Variants in NDST4 observed in about 807,000 individuals in gnomAD.
The protein encoded by NDST4 is N-deacetylase and N-sulfotransferase 4.
A neutral mutation model predicts 100.8 loss-of-function variants in NDST4; 63 were observed. The ratio of observed to expected loss-of-function variants is 0.62; its 90% CI spans 0.51 to 0.77. The LOEUF is 0.77. NDST4 is among the 30% of genes least tolerant of loss of function. The pLI is 0.00. For synonymous variants in NDST4, 377 were observed against 361.8 expected (o/e 1.04, Z -0.48); for missense variants, 943 against 1,018.4 (o/e 0.93, Z 1.01).
At chr4:114,959,887 C>T (rs1450780688) in intron 4 of NDST4, among the ~76,000 whole-genome samples, 3 of 151,986 alleles carry the variant, frequency 2.0e-5, no homozygotes, top group Non-Finnish European at 4.4e-5. Context: ...AAATTATTTC[C>T]TAAAAACTTT....
intron 6 of NDST4, among the ~76,000 whole-genome samples, chr4:114,895,299 G>C (rs1724690745): frequency 6.6e-6 from 1 of 151,824 alleles, no homozygotes; most frequent in Non-Finnish European, 1.5e-5. Context: ...ATAATAAAGG[G>C]GATATCACCA....
At chr4:114,931,126 T>C (rs1211977698) in intron 6 of NDST4, among the ~76,000 whole-genome samples, 1 of 151,996 alleles carries the variant, frequency 6.6e-6, no homozygotes, top group Non-Finnish European at 1.5e-5. Context: ...GATAAAATTA[T>C]GATTTTTAAT....
At chr4:115,079,073 C>A (rs549631978) in intron 1 of NDST4, among the ~76,000 whole-genome samples, 141 of 152,040 alleles carry the variant, frequency 9.3e-4, no homozygotes, top group African/African-American at 3.3e-3. Flanking sequence ...TACATTACTA[C>A]AGGCACGGTG....
At chr4:115,007,379 T>C (rs1727442494) in intron 2 of NDST4, among the ~76,000 whole-genome samples, 1 of 152,164 alleles carries the variant, frequency 6.6e-6, no homozygotes, top group Admixed American at 6.6e-5. Flanking sequence ...ACCATTTCAA[T>C]GGGGTGATAG....
chr4:115,013,664 C>G (rs1367362249), intron 2 of NDST4, among the ~76,000 whole-genome samples: 1 of 151,668 alleles, frequency 6.6e-6, no homozygotes, highest in Non-Finnish European at 1.5e-5. Context: ...CACAGTAGGC[C>G]CAGCAGTTCC....
At chr4:114,887,230 G>A (rs1379023051) in intron 6 of NDST4, among the ~76,000 whole-genome samples, 1 of 152,152 alleles carries the variant, frequency 6.6e-6, no homozygotes, top group Non-Finnish European at 1.5e-5. Flanking sequence ...GGTCTAATGT[G>A]AGACATTTTG....
At chr4:115,089,820 C>A (rs1158069193) in intron 1 of NDST4, among the ~76,000 whole-genome samples, 1 of 151,744 alleles carries the variant, frequency 6.6e-6, no homozygotes, top group Non-Finnish European at 1.5e-5. Context: ...AATTGGAAAA[C>A]CAATTGCACC....
chr4:114,987,894 C>A (rs1159395055), intron 2 of NDST4, among the ~76,000 whole-genome samples: 5 of 152,146 alleles, frequency 3.3e-5, no homozygotes, highest in Non-Finnish European at 4.4e-5. Context: ...GGGTCATGAT[C>A]TCCTCTATTG....
At chr4:114,907,859 C>A (rs1457591296) in intron 6 of NDST4, among the ~76,000 whole-genome samples, 2 of 152,008 alleles carry the variant, frequency 1.3e-5, no homozygotes, top group African/African-American at 4.8e-5. Flanking sequence ...TGGGAAGAAG[C>A]CAACATCAAT....
intron 2 of NDST4, among the ~76,000 whole-genome samples, chr4:115,038,544 C>T (rs1030515554): frequency 2.0e-5 from 3 of 152,112 alleles, no homozygotes; most frequent in Admixed American, 2.0e-4. Context: ...AATTTAAAAG[C>T]CCTGAGGTAC....
chr4:114,857,520 G>A (rs904900521), intron 7 of NDST4, among the ~76,000 whole-genome samples: 1 of 152,156 alleles, frequency 6.6e-6, no homozygotes, highest in Non-Finnish European at 1.5e-5. Context: ...GTTTTGTGAA[G>A]GGTTTCTATA....
At chr4:114,830,716 A>C (rs1429776869) in intron 12 of NDST4, among the ~76,000 whole-genome samples, 4 of 152,268 alleles carry the variant, frequency 2.6e-5, no homozygotes, top group African/African-American at 9.6e-5. Context: ...GACTTGCTGC[A>C]TGCATAAAAC....
chr4:114,920,211 G>A (rs1489671514), intron 6 of NDST4, among the ~76,000 whole-genome samples: 2 of 152,162 alleles, frequency 1.3e-5, no homozygotes, highest in Non-Finnish European at 2.9e-5. Context: ...ATTTGGGGCA[G>A]TGTGATATAT....
intron 4 of NDST4, among the ~76,000 whole-genome samples, chr4:114,947,461 CTG>C (rs1314277574): frequency 6.6e-6 from 1 of 152,084 alleles, no homozygotes; most frequent in Non-Finnish European, 1.5e-5. Context: ...AATTGCAGGA[CTG>C]TGTTACATAG....
At chr4:114,877,675 G>A (rs372222389) in intron 6 of NDST4, among the ~76,000 whole-genome samples, 3 of 152,282 alleles carry the variant, frequency 2.0e-5, no homozygotes, top group East Asian at 3.9e-4. Flanking sequence ...TAGGCCGGGC[G>A]CAATGGTTCA....
chr4:115,076,068 T>G lies in NDST4; in HGVS notation c.969A>C (p.Lys323Asn). The change falls in exon 2 of 14, where the codon AAA becomes AAC. Residue 323 changes from lysine (K) to asparagine (N), a missense_variant. Lys to Asn is a moderately conservative substitution (Grantham distance 94). Coordinates refer to ENST00000264363, the MANE Select transcript of NDST4 (RefSeq NM_022569.3). ...CTATAAATAAGCTTACCTTCACATC[T>G]TTGACATTCATCCTTGTTCCCTCTT... is the stretch of plus-strand genomic sequence containing the variant. ...VGKEGTRMNV[K>N]DVKALLETQN... 2 of 1,606,528 alleles carry G rather than the reference T, an allele frequency of 1.2e-6. No homozygotes were observed. Among genetic ancestry groups the G allele is most frequent in the Non-Finnish European group, 1.7e-6 (2 of 1,175,938 alleles).
chr4:115,093,429 A>G (rs568282230), intron 1 of NDST4, among the ~76,000 whole-genome samples: 3 of 151,896 alleles, frequency 2.0e-5, no homozygotes, highest in Admixed American at 6.6e-5. Flanking sequence ...GAGCTGAGAT[A>G]GCGCCACTGC....
chr4:114,999,202 A>T (rs1384676824), intron 2 of NDST4, among the ~76,000 whole-genome samples: 7 of 152,072 alleles, frequency 4.6e-5, no homozygotes, highest in Non-Finnish European at 1.0e-4. Context: ...TTTGGCTTCC[A>T]TAGGAATTAG....
intron 2 of NDST4, among the ~76,000 whole-genome samples, chr4:115,033,158 T>TATA (rs1491196854): frequency 4.9e-4 from 24 of 48,570 alleles, no homozygotes; most frequent in African/African-American, 2.0e-3. Context: ...TATATATATA[T>TATA]TTTTTTTTTT....
Sources: allele counts gnomAD v4.1 joint callset (sites outside exome capture counted in the v4.1 genomes callset), GRCh38; gene constraint gnomAD v4.1.1; transcripts MANE v1.5; gene names NCBI Gene and HGNC (gene_info 2026-07-23, HGNC 2026-07-21).